Variants in PHF13 observed in about 807,000 individuals in gnomAD.
PHF13 encodes PHD finger protein 13.
Under a neutral mutation model 25.8 loss-of-function variants are expected in PHF13, and 1 was observed. The ratio of observed to expected loss-of-function variants is 0.04; its 90% confidence interval spans 0.01 to 0.18. The LOEUF (loss-of-function observed/expected upper bound fraction) is 0.18. Among genes scored for constraint, PHF13 ranks in the 10% least tolerant of loss-of-function variants. The pLI, the probability that PHF13 is intolerant of heterozygous loss-of-function variation, is 1.00. For synonymous variants in PHF13, 195 were observed against 162.4 expected (o/e 1.20, Z -1.53); for missense variants, 306 against 403.2 (o/e 0.76, Z 2.06).
intron 1 of PHF13, chr1:6,614,495 T>G: frequency 9.7e-6 from 2 of 205,426 alleles, no homozygotes; most frequent in African/African-American, 2.5e-5. Context: ...CGCCCGCCCC[T>G]GGCTCCGGTT....
At chr1:6,615,258 C>T (rs1225231271) in intron 1 of PHF13, among the ~76,000 whole-genome samples, 1 of 152,128 alleles carries the variant, frequency 6.6e-6, no homozygotes, top group Admixed American at 6.5e-5. Flanking sequence ...TTTTGACCCA[C>T]TTCTGCTGGT....
At position 6,623,650 on chromosome 1, in the gene PHF13, T is replaced by A. The variant is rs1207200352; in HGVS notation, c.*2013T>A. The A allele has an allele frequency of 6.5e-6, 1 of 152,692 alleles. No individual in the cohort carries two copies. The highest frequency in any genetic ancestry group is 1.5e-5 in the Non-Finnish European group (1 of 68,052). The allele number at this position is 152,692 out of a possible 1,614,324, so 9.5% of individuals were successfully genotyped here. A position where few individuals can be genotyped will look rare whatever the true frequency, so the allele number is the denominator to read the frequency against. The stretch of plus-strand genomic sequence containing the variant: ...ATGTGATACTCATCTCCATTTTGTT[T>A]CCTTGATTGCATTTTTGTTCTTTTA... On this transcript the variant is annotated 3_prime_UTR_variant, in exon 4 of 4. Transcript: ENST00000377648.
Position 6,619,982 on chromosome 1 carries a change from G to T in PHF13, c.321G>T (p.Leu107=). ...LLQRAKPSNF[L]LDRKKTDKLK... ...AGCGAGCCAAGCCCAGTAACTTCCT[G>T]CTGGACAGAAAGAAAACGGACAAGC... The change falls in exon 3 of 4, where the codon CTG becomes CTT. Residue 107 remains leucine (L), a synonymous_variant. Coordinates refer to ENST00000377648, the MANE Select transcript of PHF13 (RefSeq NM_153812.3). 6.2e-7 allele frequency: 1 copy of T among 1,613,866 alleles called. No individual in the cohort carries two copies. The highest frequency in any genetic ancestry group is 2.2e-5 in the East Asian group (1 of 44,842).
At position 6,622,427 on chromosome 1, in the gene PHF13, A is replaced by G. The variant is rs901376025; in HGVS notation, c.*790A>G. 1 of 151,588 alleles carries G rather than the reference A, an allele frequency of 6.6e-6. No individual in the cohort carries two copies. The highest frequency in any genetic ancestry group is 1.5e-5 in the Non-Finnish European group (1 of 67,876). The allele number at this position is 151,588 out of a possible 1,614,324, so 9.4% of individuals were successfully genotyped here. ...CTGATTTCTTGCTGAGTGCCCTCTTAGTTGGTGTGTGAGGTCTTGGTGGGC... is the reference window on the plus strand; with the variant it reads ...CTGATTTCTTGCTGAGTGCCCTCTTGGTTGGTGTGTGAGGTCTTGGTGGGC... On this transcript the variant is annotated 3_prime_UTR_variant, in exon 4 of 4. Transcript: ENST00000377648.
At chr1:6,616,938 C>T (rs1042151700) in intron 2 of PHF13, 80 bp downstream of exon 2, 1 of 1,244,966 alleles carries the variant, frequency 8.0e-7, no homozygotes, top group Admixed American at 1.8e-5. Flanking sequence ...GGGCTTCTGA[C>T]TGGTCAGAGG....
chr1:6,614,579 C>T (rs1013316571), intron 1 of PHF13: 53 of 154,072 alleles, frequency 3.4e-4, no homozygotes, highest in Admixed American at 1.2e-3. Context: ...CCCGATCCCC[C>T]GGGCCCGGTG....
In PHF13 at chr1:6,623,136, C is replaced by G. The variant is rs1334590600; in HGVS notation, c.*1499C>G. On this transcript the variant is annotated 3_prime_UTR_variant, in exon 4 of 4. Transcript: ENST00000377648. ...CTTCATGTGGCACCTTTGTGCCAGGCCACCAGGCAGACTCTTCCCACCTTC... is the reference window on the plus strand; with the variant it reads ...CTTCATGTGGCACCTTTGTGCCAGGGCACCAGGCAGACTCTTCCCACCTTC... 6.6e-6 allele frequency: 1 copy of G among 152,230 alleles called. No individual in the cohort carries two copies. The highest frequency in any genetic ancestry group is 2.4e-5 in the African/African-American group (1 of 41,450). The allele number at this position is 152,230 out of a possible 1,614,324, so 9.4% of individuals were successfully genotyped here.
chr1:6,617,545 C>T (rs1436794590), intron 2 of PHF13, among the ~76,000 whole-genome samples: 1 of 152,100 alleles, frequency 6.6e-6, no homozygotes, highest in Non-Finnish European at 1.5e-5. Context: ...TCAAGCGATT[C>T]TCCTGTCTCA....
chr1:6,621,836 G>A lies in PHF13; in HGVS notation c.*199G>A. 1 of 622,188 alleles carries A rather than the reference G, an allele frequency of 1.6e-6. No homozygotes were observed. Among genetic ancestry groups the A allele is most frequent in the South Asian group, 1.9e-5 (1 of 51,974 alleles). 38.5% of individuals were successfully genotyped at this position (622,188 alleles called of 1,614,324 possible). A position where few individuals can be genotyped will look rare whatever the true frequency, so the allele number is the denominator to read the frequency against. On this transcript the variant is annotated 3_prime_UTR_variant, in exon 4 of 4. Coordinates refer to ENST00000377648, the MANE Select transcript of PHF13 (RefSeq NM_153812.3). The surrounding 1 kb of genome is among the most constrained non-coding windows in gnomAD (Gnocchi z 4.8). Reference sequence around the variant, plus strand: ...CCGAATGCGACCTTTGCCAGCCAGAGCTGCTGCCAGAGCTGCGTTCCCTGC... The same window carrying A: ...CCGAATGCGACCTTTGCCAGCCAGAACTGCTGCCAGAGCTGCGTTCCCTGC...
chr1:6,615,662 G>A (rs1641250116), intron 1 of PHF13, among the ~76,000 whole-genome samples: 1 of 152,186 alleles, frequency 6.6e-6, no homozygotes, highest in South Asian at 2.1e-4. Context: ...GAACGTGCCG[G>A]GCGAATAAAC....
intron 3 of PHF13, among the ~76,000 whole-genome samples, chr1:6,620,815 C>T (rs1641327068): frequency 6.6e-6 from 1 of 151,164 alleles, no homozygotes. Context: ...GTCAGGAGTT[C>T]GAGACCAGCC....
In PHF13 at chr1:6,622,006, T is replaced by C. The variant is rs762553253; in HGVS notation, c.*369T>C. 1 of 343,854 alleles carries C rather than the reference T, an allele frequency of 2.9e-6. No homozygotes were observed. The highest frequency in any genetic ancestry group is 2.7e-5 in the South Asian group (1 of 36,984). The allele number at this position is 343,854 out of a possible 1,614,324, so 21.3% of individuals were successfully genotyped here. A position where few individuals can be genotyped will look rare whatever the true frequency, so the allele number is the denominator to read the frequency against. On this transcript the variant is annotated 3_prime_UTR_variant, in exon 4 of 4. Transcript: ENST00000377648. ...CAGCTGTTATTCTGCTTCCACTGTGTTGGGGAGAGGTGTTCGGTTTCCCCA... is the reference window on the plus strand; with the variant it reads ...CAGCTGTTATTCTGCTTCCACTGTGCTGGGGAGAGGTGTTCGGTTTCCCCA...
At chr1:6,617,284 C>A (rs1016188548) in intron 2 of PHF13, among the ~76,000 whole-genome samples, 1 of 152,106 alleles carries the variant, frequency 6.6e-6, no homozygotes, top group East Asian at 1.9e-4. Flanking sequence ...CAGGGTTTTA[C>A]CTTGTTGGCC....
rs953021147 is a variant in PHF13, at chr1:6,616,675, T to G, written c.40-82T>G. 4.2e-6 allele frequency: 5 copies of G among 1,185,466 alleles called. No homozygotes were observed. The African/African-American group carries it at 4.5e-5, about 11-fold the overall frequency. 73.4% of individuals were successfully genotyped at this position (1,185,466 alleles called of 1,614,324 possible). On this transcript the variant is annotated intron_variant, in intron 1 of 3. Transcript: ENST00000377648. ...TTTTTGAGTGATTGACTACAAAAGTTCCAGCTTACTTCCTTTTGTTTCTGT... is the reference window on the plus strand; with the variant it reads ...TTTTTGAGTGATTGACTACAAAAGTGCCAGCTTACTTCCTTTTGTTTCTGT...
rs1190438574 is a variant in PHF13, at chr1:6,621,891, G to C, written c.*254G>C. On this transcript the variant is annotated 3_prime_UTR_variant, in exon 4 of 4. Transcript: ENST00000377648. This position sits in a 1 kb window ranked among gnomAD's most constrained non-coding sequence, Gnocchi z 4.8. ...GAGGTGGACTGGACACCCACGTGCA[G>C]CGGGTTTGGCTCATTTGAAAATGAG... 1.6e-5 allele frequency: 9 copies of C among 547,160 alleles called. No homozygotes were observed. The highest frequency in any genetic ancestry group is 3.3e-6 in the Non-Finnish European group (1 of 303,452). 33.9% of individuals were successfully genotyped at this position (547,160 alleles called of 1,614,324 possible). A position where few individuals can be genotyped will look rare whatever the true frequency, so the allele number is the denominator to read the frequency against.
At chr1:6,614,925 G>T (rs1641236276) in intron 1 of PHF13, among the ~76,000 whole-genome samples, 1 of 150,072 alleles carries the variant, frequency 6.7e-6, no homozygotes, top group South Asian at 2.1e-4. Flanking sequence ...GGGAGGCGGC[G>T]CCGGAGCCCG....
rs528685901 is a variant in PHF13 at position 6,613,844 on chromosome 1, G to A, written c.-223G>A. The A allele has an allele frequency of 1.7e-4, 54 of 320,542 alleles. No homozygotes were observed. The South Asian group carries it at 2.0e-3, about 12-fold the overall frequency. The allele number at this position is 320,542 out of a possible 1,614,324, so 19.9% of individuals were successfully genotyped here. On this transcript the variant is annotated 5_prime_UTR_variant, in exon 1 of 4. Transcript: ENST00000377648. ...CAGCCACTCTCCCGCCTCTACCGCC[G>A]CGGGAGCTGCATCGTCCACTCCGGT...
chr1:6,620,903 G>A (rs1203841663), intron 3 of PHF13, among the ~76,000 whole-genome samples: 5 of 151,860 alleles, frequency 3.3e-5, no homozygotes, highest in Non-Finnish European at 7.4e-5. Context: ...GTGGTGGTGC[G>A]CGCCTGCAAT....
rs923514356 is a variant in PHF13, at chr1:6,613,894, G to A, written c.-173G>A. ...TCGGCGGTGGAACCGCCAGTCCGGG[G>A]TCACAGAGCTTGAGAAGCGACGCGC... On this transcript the variant is annotated 5_prime_UTR_variant, in exon 1 of 4. Coordinates refer to ENST00000377648, the MANE Select transcript of PHF13 (RefSeq NM_153812.3). The A allele has an allele frequency of 5.7e-6, 3 of 525,118 alleles. No individual in the cohort carries two copies. The Admixed American group carries it at 1.3e-4, about 22-fold the overall frequency. 32.5% of individuals were successfully genotyped at this position (525,118 alleles called of 1,614,324 possible).
Sources: gnomAD v4.1 joint callset for allele counts (sites outside exome capture counted in the v4.1 genomes callset) on GRCh38, gnomAD v4.1.1 for gene constraint, Gnocchi (gnomAD v3.1) non-coding constraint, MANE v1.5 for transcripts, NCBI Gene and HGNC (gene_info 2026-07-23, HGNC 2026-07-21) for gene names.